PBRM1: variants seen among roughly 807,000 people sequenced by gnomAD.
PBRM1 encodes the protein protein polybromo-1.
PBRM1 carries 27 observed loss-of-function variants against 194.5 expected under a neutral mutation model. The observed-to-expected ratio is 0.14, with a 90% CI of 0.10 to 0.19. The LOEUF (loss-of-function observed/expected upper bound fraction) is 0.19, where lower values mean the gene tolerates loss of function less well. Among genes scored for constraint, PBRM1 ranks in the 10% least tolerant of loss-of-function variants. PBRM1 has a pLI of 1.00. For missense variants in PBRM1, 1,466 were observed against 2,077.2 expected (o/e 0.71, Z 5.72); for synonymous variants, 655 against 693.2 (o/e 0.94, Z 0.87).
chr3:52,589,226 C>A lies in PBRM1; in HGVS notation c.2809G>T (p.Ala937Ser), dbSNP rs759932249. Residue 937 changes from alanine (A) to serine (S), a missense_variant, in exon 18 of 30, where the codon GCT becomes TCT. Physicochemically the swap from Ala to Ser is moderately conservative, Grantham distance 99 (BLOSUM62 1). Coordinates refer to ENST00000296302, the Ensembl canonical transcript of PBRM1. ...CGATGTAAGCCTGAGAGGCCTGCAG[C>A]ACCAGAGGAATCTTCACTCTTTTCA... The A allele has an allele frequency of 3.2e-6, 5 of 1,552,848 alleles. No individual in the cohort carries two copies. In the South Asian group the frequency reaches 6.1e-5, roughly 19 times the overall value.
intron 21 of PBRM1, 108 bp from the exon 24 acceptor site, chr3:52,576,806 G>C (rs2089723254): frequency 4.6e-6 from 3 of 656,878 alleles, no homozygotes; most frequent in Non-Finnish European, 7.4e-6. Flanking sequence ...CCATTCAGAG[G>C]AGTTTCACTG....
chr3:52,657,172 G>T (rs2096622703), intron 5 of PBRM1, among the ~76,000 whole-genome samples: 1 of 152,116 alleles, frequency 6.6e-6, no homozygotes, highest in Non-Finnish European at 1.5e-5. Context: ...GTGTTTAATG[G>T]GTATGGAGTT....
At chr3:52,669,065 T>C (rs568329204) in intron 2 of PBRM1, among the ~76,000 whole-genome samples, 2 of 152,302 alleles carry the variant, frequency 1.3e-5, no homozygotes, top group South Asian at 2.1e-4. Context: ...AGATTCTTTC[T>C]TCAGTAAGTG....
chr3:52,684,167 CAAAAAAAAAA>C (rs66702174), upstream of PBRM1, among the ~76,000 whole-genome samples: 262 of 75,718 alleles, frequency 3.5e-3, no homozygotes, highest in Admixed American at 5.6e-3. Flanking sequence ...GACCTTGTCT[CAAAAAAAAAA>C]AAAAAAAAAA....
At chr3:52,665,139 C>T (rs1243916383) in intron 3 of PBRM1, among the ~76,000 whole-genome samples, 4 of 152,076 alleles carry the variant, frequency 2.6e-5, no homozygotes, top group African/African-American at 7.2e-5. Context: ...ATGGTACTGA[C>T]TCCACAAATC....
chr3:52,674,598 TGGG>T (rs1308162546), intron 2 of PBRM1, among the ~76,000 whole-genome samples: 1 of 137,020 alleles, frequency 7.3e-6, no homozygotes, highest in East Asian at 2.0e-4. Flanking sequence ...GAGACCAGCC[TGGG>T]CAACACAGGG....
In PBRM1 at chr3:52,557,599, C is replaced by A. The variant is rs547787290; in HGVS notation, c.4453+650G>T. ...ACCAGAGACAACACACACAGACAAACCACATTCATCATTTTCTTTTTCTTT... is the reference window on the plus strand; with the variant it reads ...ACCAGAGACAACACACACAGACAAAACACATTCATCATTTTCTTTTTCTTT... On this transcript the variant is annotated intron_variant, in intron 26 of 29. Coordinates refer to ENST00000296302, the Ensembl canonical transcript of PBRM1. Among the ~76,000 whole-genome samples the A allele has an allele frequency of 7.4e-5, 11 of 149,172 alleles. No individual in the cohort carries two copies. The South Asian group carries it at 2.3e-3, about 32-fold the overall frequency.
chr3:52,685,881 C>T (rs866383191), upstream of PBRM1: 131 of 552,616 alleles, frequency 2.4e-4, no homozygotes, highest in African/African-American at 1.8e-3. Context: ...CCGCCCTCAC[C>T]TCCCTTACCC....
chr3:52,632,767 C>T lies in PBRM1; in HGVS notation c.1301+1835G>A, dbSNP rs561401269. Among the ~76,000 whole-genome samples, 4 of 150,968 alleles carry T rather than the reference C, an allele frequency of 2.6e-5. No individual in the cohort carries two copies. The South Asian group carries it at 8.4e-4, about 32-fold the overall frequency. Reference sequence around the variant, plus strand: ...GCAGTGGTGCGACCTAGACTCACTGCAATGCAACCTCCACCTTCCCGGTTC... The same window carrying T: ...GCAGTGGTGCGACCTAGACTCACTGTAATGCAACCTCCACCTTCCCGGTTC... On this transcript the variant is annotated intron_variant, in intron 11 of 29. Transcript: ENST00000296302.
At chr3:52,593,846 T>C (rs2093327947) in intron 17 of PBRM1, among the ~76,000 whole-genome samples, 1 of 152,170 alleles carries the variant, frequency 6.6e-6, no homozygotes, top group Admixed American at 6.5e-5. Context: ...TATGTCCAAT[T>C]GTGTGGTTGA....
At chr3:52,577,430 CAAAAAAA>C (rs71084193) in intron 21 of PBRM1, among the ~76,000 whole-genome samples, 2 of 65,712 alleles carry the variant, frequency 3.0e-5, no homozygotes, top group Admixed American at 1.9e-4. Context: ...GACAATGTCT[CAAAAAAA>C]AAAAAAAAAA....
At chr3:52,684,996 C>T (rs969500048) in intron 1 of PBRM1, 2 of 152,060 alleles carry the variant, frequency 1.3e-5, no homozygotes, top group African/African-American at 4.8e-5. Context: ...AGCACATAGC[C>T]AAATGGAGAA....
At chr3:52,555,428 C>T (rs745757751) in intron 26 of PBRM1, among the ~76,000 whole-genome samples, 3 of 152,200 alleles carry the variant, frequency 2.0e-5, no homozygotes, top group African/African-American at 7.2e-5. Context: ...TCTAGCCTTA[C>T]CACTGCTGGT....
chr3:52,662,014 T>G (rs2096735595), intron 4 of PBRM1, 119 bp downstream of exon 5: 1 of 976,860 alleles, frequency 1.0e-6, no homozygotes, highest in Non-Finnish European at 1.5e-6. Context: ...ATCCTCCCAG[T>G]TACCAATACA....
intron 29 of PBRM1, among the ~76,000 whole-genome samples, chr3:52,549,408 T>C (rs113782809): frequency 0.04 from 6,019 of 152,192 alleles, 400 homozygotes; most frequent in African/African-American, 0.14. Context: ...TCAATCGATC[T>C]GTCCACTTCA....
intron 7 of PBRM1, 89 bp downstream of exon 8, chr3:52,648,255 C>T: frequency 1.3e-6 from 1 of 750,572 alleles, no homozygotes; most frequent in Non-Finnish European, 2.3e-6. Flanking sequence ...TGAATTATAT[C>T]TCAATAAAGT....
chr3:52,548,207 T>C, exon 30 of PBRM1: 1 of 1,592,640 alleles, frequency 6.3e-7, no homozygotes. Context: ...TCTCCTGTTC[T>C]TTCGACAAAT....
intron 22 of PBRM1, among the ~76,000 whole-genome samples, chr3:52,569,964 T>C (rs1457918942): frequency 6.6e-6 from 1 of 152,090 alleles, no homozygotes; most frequent in Non-Finnish European, 1.5e-5. Context: ...CCCTATTTTG[T>C]TTCTTTTCTT....
intron 4 of PBRM1, among the ~76,000 whole-genome samples, chr3:52,660,421 TATC>T (rs1335425761): frequency 6.6e-6 from 1 of 151,998 alleles, no homozygotes; most frequent in East Asian, 1.9e-4. Context: ...TATATTTACA[TATC>T]ATATATAAAA....
Sources: allele counts gnomAD v4.1 joint callset (sites outside exome capture counted in the v4.1 genomes callset), GRCh38; gene constraint gnomAD v4.1.1; transcripts MANE v1.5; gene names NCBI Gene and HGNC (gene_info 2026-07-23, HGNC 2026-07-21).